Variants in FRAS1 observed in about 807,000 individuals in gnomAD.
FRAS1 encodes Fraser extracellular matrix complex subunit 1, also known as extracellular matrix organizing protein FRAS1.
A neutral mutation model predicts 435.2 loss-of-function variants in FRAS1; 290 were observed. The observed-to-expected ratio is 0.67, with a 90% CI of 0.61 to 0.73. The LOEUF (loss-of-function observed/expected upper bound fraction) is 0.73. Ranked by LOEUF, FRAS1 falls within the 30% of genes least tolerant of loss-of-function variation. The pLI, the probability that FRAS1 is intolerant of heterozygous loss-of-function variation, is 0.00. For synonymous variants in FRAS1, 1,800 were observed against 1,851.0 expected, an observed-to-expected ratio of 0.97 and a Z score of 0.71; for missense variants, 4,860 against 5,001.5, an observed-to-expected ratio of 0.97 and a Z score of 0.85.
rs537128791 is a variant in FRAS1, at chr4:78,356,840, C to G, written c.2423-6673C>G. Among the ~76,000 whole-genome samples, 27 of 152,192 alleles carry G rather than the reference C, an allele frequency of 1.8e-4. No homozygotes were observed. In the South Asian group the frequency reaches 5.4e-3, roughly 30 times the overall value. On this transcript the variant is annotated intron_variant, in intron 20 of 73. Coordinates refer to ENST00000512123, the MANE Select transcript of FRAS1 (RefSeq NM_025074.7). ...CTCATTTAAATCTATAACAAAAACA[C>G]AGAGACCTTGGTAAATAAACTGAAA...
intron 2 of FRAS1, among the ~76,000 whole-genome samples, chr4:78,118,290 A>T (rs1718779862): frequency 6.6e-6 from 1 of 152,124 alleles, no homozygotes; most frequent in African/African-American, 2.4e-5. Context: ...GACCCACTTG[A>T]GGAGGCAGTC....
At chr4:78,322,573 T>C (rs952879706) in intron 18 of FRAS1, among the ~76,000 whole-genome samples, 22 of 152,144 alleles carry the variant, frequency 1.4e-4, no homozygotes, top group African/African-American at 5.1e-4. Flanking sequence ...AGATTCTTTA[T>C]AGGAAGAAGC....
intron 31 of FRAS1, among the ~76,000 whole-genome samples, chr4:78,409,183 TATTATAAATATA>T (rs1307868844): frequency 3.3e-5 from 5 of 149,878 alleles, no homozygotes; most frequent in Non-Finnish European, 7.4e-5. Flanking sequence ...GTTCTCTGGC[TATTATAAATATA>T]ATTATAAATT....
Position 78,537,165 on chromosome 4 carries a change from C to G in FRAS1, c.11263C>G (p.Pro3755Ala), listed in dbSNP as rs1157255306. The change falls in exon 72 of 74, where the codon CCA becomes GCA. Residue 3755 changes from proline to alanine, a missense_variant. Pro to Ala is a conservative substitution (Grantham distance 27, BLOSUM62 -1). Transcript: ENST00000512123. ...NEGPQYGCIQ[P>A]NKHLKHRFLL... ...AGGGCCCCAGTATGGATGCATTCAGCCAAACAAACACCTAAAACACAGATT... is the reference window on the plus strand; with the variant it reads ...AGGGCCCCAGTATGGATGCATTCAGGCAAACAAACACCTAAAACACAGATT... The G allele has an allele frequency of 6.2e-7, 1 of 1,613,932 alleles. No homozygotes were observed. The highest frequency in any genetic ancestry group is 1.7e-5 in the Admixed American group (1 of 60,018).
intron 29 of FRAS1, 108 bp from the exon 30 acceptor site, chr4:78,400,626 C>T: frequency 1.9e-6 from 2 of 1,063,156 alleles, no homozygotes; most frequent in South Asian, 3.3e-5. Context: ...ATCTCTCTGT[C>T]TTATTAGACG....
At chr4:78,293,562 T>C (rs955570244) in intron 14 of FRAS1, among the ~76,000 whole-genome samples, 6 of 152,180 alleles carry the variant, frequency 3.9e-5, no homozygotes, top group African/African-American at 1.4e-4. Context: ...TGGGCTTTAT[T>C]AGAGTTGGGA....
At chr4:78,534,784 T>C (rs962748750) in intron 71 of FRAS1, among the ~76,000 whole-genome samples, 169 bp downstream of exon 71, 14 of 152,188 alleles carry the variant, frequency 9.2e-5, no homozygotes, top group Admixed American at 1.3e-4. Flanking sequence ...ACAGGCCCAT[T>C]TCATGCTGTT....
At position 78,369,765 on chromosome 4, in the gene FRAS1, T is replaced by C. The variant is rs1030199385; in HGVS notation, c.2723-73T>C. 12 of 1,355,458 alleles carry C rather than the reference T, an allele frequency of 8.9e-6. No individual in the cohort carries two copies. The African/African-American group carries it at 1.4e-4, about 16-fold the overall frequency. 84.0% of individuals were successfully genotyped at this position (1,355,458 alleles called of 1,614,324 possible). On this transcript the variant is annotated intron_variant, in intron 22 of 73. Transcript: ENST00000512123. ...CAAGGCTTTGTTCCTATGCAACATC[T>C]GTCTAGGTTTGATCAGTGCTTCAGT... is the stretch of plus-strand genomic sequence containing the variant.
At position 78,287,962 on chromosome 4, in the gene FRAS1, C is replaced by A. The variant is rs574861631; in HGVS notation, c.1534+1423C>A. On this transcript the variant is annotated intron_variant, in intron 14 of 73. Transcript: ENST00000512123. ...CTCTTTGGTGTCTACAGAAATATCA[C>A]CTGCATGTCTATATCCTCAGCATCA... is the stretch of plus-strand genomic sequence containing the variant. Among the ~76,000 whole-genome samples the A allele has an allele frequency of 2.3e-4, 35 of 152,290 alleles. No homozygotes were observed. The South Asian group carries it at 7.3e-3, about 32-fold the overall frequency.
intron 23 of FRAS1, among the ~76,000 whole-genome samples, chr4:78,371,267 T>G (rs1731495495): frequency 6.6e-6 from 1 of 152,168 alleles, no homozygotes; most frequent in Non-Finnish European, 1.5e-5. Flanking sequence ...AGGATTAACT[T>G]TGTAAATCTT....
At chr4:78,191,145 T>C (rs1331791995) in intron 2 of FRAS1, among the ~76,000 whole-genome samples, 1 of 152,190 alleles carries the variant, frequency 6.6e-6, no homozygotes, top group African/African-American at 2.4e-5. Context: ...AGAAGAAATT[T>C]CTGTTGCTTA....
rs769656974 is a variant in FRAS1, at chr4:78,477,823, T to A, written c.7860T>A (p.Phe2620Leu). The A allele has an allele frequency of 1.2e-6, 2 of 1,612,280 alleles. No homozygotes were observed. Among genetic ancestry groups the A allele is most frequent in the Non-Finnish European group, 1.7e-6 (2 of 1,178,678 alleles). Residue 2620 changes from phenylalanine to leucine, a missense_variant, in exon 55 of 74, where the codon TTT (phenylalanine) becomes TTA (leucine). Physicochemically the swap from Phe to Leu is conservative, Grantham distance 22. Transcript: ENST00000512123. ...DYVEYAGQVQFDEREDTKSCT... is the reference protein window; with the variant it reads ...DYVEYAGQVQLDEREDTKSCT... ...TGGTTCCTTTGTGACAGGTCCAGTT[T>A]GATGAGCGAGAGGACACCAAGTCCT...
intron 6 of FRAS1, among the ~76,000 whole-genome samples, chr4:78,258,469 G>T (rs1041911310): frequency 2.6e-5 from 4 of 151,618 alleles, no homozygotes; most frequent in South Asian, 4.1e-4. Flanking sequence ...AATTTGGAAG[G>T]ACTATAATCT....
Position 78,481,845 on chromosome 4 carries a change from T to C in FRAS1, c.8485T>C (p.Ser2829Pro). The change falls in exon 57 of 74, where the codon TCT becomes CCT. Residue 2829 changes from serine (S) to proline (P), a missense_variant. Coordinates refer to ENST00000512123, the MANE Select transcript of FRAS1 (RefSeq NM_025074.7). ...AGTTATCCGCCATGGTACTGACCTC[T>C]CTACTTTCGCATCTGTCTGGTGTGC... ...IPVIRHGTDLSTFASVWCATR... is the reference protein window; with the variant it reads ...IPVIRHGTDLPTFASVWCATR... 6.2e-7 allele frequency: 1 copy of C among 1,613,958 alleles called. No individual in the cohort carries two copies. The highest frequency in any genetic ancestry group is 8.5e-7 in the Non-Finnish European group (1 of 1,179,838).
At chr4:78,319,564 A>T (rs1729415721) in intron 18 of FRAS1, 1 of 320,106 alleles carries the variant, frequency 3.1e-6, no homozygotes, top group Non-Finnish European at 6.3e-6. Context: ...GAATAGTTTG[A>T]CTCTAAAGCT....
intron 2 of FRAS1, among the ~76,000 whole-genome samples, chr4:78,219,170 A>G (rs560505680): frequency 9.2e-5 from 14 of 152,268 alleles, no homozygotes; most frequent in African/African-American, 3.4e-4. Flanking sequence ...AAGATCTATT[A>G]ATATATCAGT....
At chr4:78,437,695 A>G (rs1290768973) in intron 38 of FRAS1, among the ~76,000 whole-genome samples, 2 of 152,254 alleles carry the variant, frequency 1.3e-5, no homozygotes, top group East Asian at 3.8e-4. Context: ...TTTTGAAAGT[A>G]CAAGTGACCA....
chr4:78,225,114 G>A (rs928615217), intron 2 of FRAS1, among the ~76,000 whole-genome samples: 2 of 152,174 alleles, frequency 1.3e-5, no homozygotes, highest in African/African-American at 2.4e-5. Context: ...GAGGATGGAT[G>A]TCTGAGAGCC....
At chr4:78,146,125 T>A (rs1269705158) in intron 2 of FRAS1, among the ~76,000 whole-genome samples, 1 of 152,194 alleles carries the variant, frequency 6.6e-6, no homozygotes, top group East Asian at 1.9e-4. Flanking sequence ...ACTGTTTTTT[T>A]AATTGCTATG....
Sources: gnomAD v4.1 joint callset for allele counts (sites outside exome capture counted in the v4.1 genomes callset) on GRCh38, gnomAD v4.1.1 for gene constraint, MANE v1.5 for transcripts, NCBI Gene and HGNC (gene_info 2026-07-23, HGNC 2026-07-21) for gene names.